The following MIPOL1 variants were observed in gnomAD, a reference collection of about 807,000 sequenced individuals.
MIPOL1 encodes the protein mirror-image polydactyly gene 1 protein.
MIPOL1 carries 57 observed loss-of-function variants against 60.9 expected under a neutral mutation model. The ratio of observed to expected loss-of-function variants is 0.94; its 90% CI spans 0.76 to 1.17. The LOEUF (loss-of-function observed/expected upper bound fraction) is 1.17. MIPOL1 is among the 50% of genes most tolerant of loss of function. The pLI is 0.00. For missense variants in MIPOL1, 551 were observed against 511.6 expected (o/e 1.08, Z -0.74); for synonymous variants, 179 against 168.8 (o/e 1.06, Z -0.47).
chr14:37,341,603 T>G, intron 9 of MIPOL1, among the ~76,000 whole-genome samples: 1 of 152,298 alleles, frequency 6.6e-6, no homozygotes, highest in Non-Finnish European at 1.5e-5. Context: ...GTTCTAATAT[T>G]ATTTTTTAAA....
chr14:37,282,234 A>T (rs1170011368), intron 6 of MIPOL1, among the ~76,000 whole-genome samples: 2 of 63,768 alleles, frequency 3.1e-5, no homozygotes, highest in Non-Finnish European at 5.7e-5. Flanking sequence ...CTAATATTGC[A>T]GTAATATTAT....
intron 11 of MIPOL1, among the ~76,000 whole-genome samples, chr14:37,464,334 T>G (rs957343073): frequency 1.3e-5 from 2 of 152,176 alleles, no homozygotes; most frequent in African/African-American, 4.8e-5. Flanking sequence ...AACCTAAGTG[T>G]TCATCCAGTG....
At chr14:37,326,151 T>C (rs528810984) in intron 9 of MIPOL1, among the ~76,000 whole-genome samples, 2 of 152,288 alleles carry the variant, frequency 1.3e-5, no homozygotes, top group South Asian at 4.1e-4. Flanking sequence ...AGAGTACATA[T>C]GTTACTTTGG....
intron 7 of MIPOL1, among the ~76,000 whole-genome samples, chr14:37,294,558 GA>G (rs1405102848): frequency 1.3e-5 from 2 of 151,758 alleles, no homozygotes; most frequent in Non-Finnish European, 2.9e-5. Context: ...TAAAAACTTT[GA>G]AAAAAAATTA....
Position 37,358,705 on chromosome 14 carries a change from T to C in MIPOL1, c.829-10812T>C, listed in dbSNP as rs144805088. Among the ~76,000 whole-genome samples, 777 of 152,314 alleles carry C rather than the reference T, an allele frequency of 5.1e-3. 6 individuals carry two copies. The highest frequency in any genetic ancestry group is 0.018 in the African/African-American group (730 of 41,576). ...GGTTGCCTTTTTCTTGTAAATTTGTTAAATTTCTTTGTAGATTCTGGATGT... is the reference window on the plus strand; with the variant it reads ...GGTTGCCTTTTTCTTGTAAATTTGTCAAATTTCTTTGTAGATTCTGGATGT... On this transcript the variant is annotated intron_variant, in intron 9 of 12. Coordinates refer to ENST00000684589, the MANE Select transcript of MIPOL1 (RefSeq NM_001388067.1).
chr14:37,293,714 G>C (rs950531591), intron 7 of MIPOL1, among the ~76,000 whole-genome samples: 8 of 152,150 alleles, frequency 5.3e-5, no homozygotes, highest in African/African-American at 1.9e-4. Context: ...CTCATTGCCA[G>C]CACAGTAGTC....
chr14:37,525,364 A>G (rs1215006459), intron 12 of MIPOL1, among the ~76,000 whole-genome samples: 3 of 152,252 alleles, frequency 2.0e-5, no homozygotes, highest in Non-Finnish European at 2.9e-5. Context: ...GGAAGGTTTT[A>G]TCATTGTGAA....
intron 3 of MIPOL1, among the ~76,000 whole-genome samples, chr14:37,252,223 A>C (rs1974233292): frequency 6.6e-6 from 1 of 151,746 alleles, no homozygotes; most frequent in Non-Finnish European, 1.5e-5. Flanking sequence ...TATTATCTAA[A>C]TTTAGATATA....
Position 37,247,141 on chromosome 14 carries a change from C to T in MIPOL1, c.-160C>T, listed in dbSNP as rs1041310294. 3 of 152,280 alleles carry T rather than the reference C, an allele frequency of 2.0e-5. No homozygotes were observed. The highest frequency in any genetic ancestry group is 7.3e-5 in the African/African-American group (3 of 41,362). The allele number at this position is 152,280 out of a possible 1,614,324, so 9.4% of individuals were successfully genotyped here. A position where few individuals can be genotyped will look rare whatever the true frequency, so the allele number is the denominator to read the frequency against. On this transcript the variant is annotated 5_prime_UTR_variant, in exon 2 of 13. Coordinates refer to ENST00000684589, the MANE Select transcript of MIPOL1 (RefSeq NM_001388067.1). The stretch of plus-strand genomic sequence containing the variant: ...AAATGAGAAACTTAGAAAAAGATTG[C>T]CAATTCCAAATCAACATATTTAGAG...
intron 10 of MIPOL1, among the ~76,000 whole-genome samples, chr14:37,386,920 A>G (rs1241418418): frequency 6.6e-6 from 1 of 151,990 alleles, no homozygotes; most frequent in Admixed American, 6.6e-5. Flanking sequence ...TGGATTTGAA[A>G]TACAAATTAT....
At position 37,456,768 on chromosome 14, in the gene MIPOL1, C is replaced by G. The variant is rs1166851880; in HGVS notation, c.1031+33819C>G. On this transcript the variant is annotated intron_variant, in intron 11 of 12. Coordinates refer to ENST00000684589, the MANE Select transcript of MIPOL1 (RefSeq NM_001388067.1). ...GAAGGTAGACAGAGATATTGAAGTACTACAAAATCTAGTGTTTACATTTCA... is the reference window on the plus strand; with the variant it reads ...GAAGGTAGACAGAGATATTGAAGTAGTACAAAATCTAGTGTTTACATTTCA... Among the ~76,000 whole-genome samples, 7 of 152,078 alleles carry G rather than the reference C, an allele frequency of 4.6e-5. No homozygotes were observed. In the East Asian group the frequency reaches 1.4e-3, roughly 29 times the overall value.
chr14:37,396,274 T>A (rs1297234710), intron 10 of MIPOL1, among the ~76,000 whole-genome samples: 2 of 152,110 alleles, frequency 1.3e-5, no homozygotes, highest in Non-Finnish European at 2.9e-5. Context: ...CTGATAATTG[T>A]TTTGTTTGAG....
At chr14:37,362,526 T>G (rs981507167) in intron 9 of MIPOL1, among the ~76,000 whole-genome samples, 1 of 152,232 alleles carries the variant, frequency 6.6e-6, no homozygotes, top group Non-Finnish European at 1.5e-5. Context: ...CCTTTCTCTC[T>G]GGCTGCACTT....
intron 1 of MIPOL1, among the ~76,000 whole-genome samples, chr14:37,232,968 G>A (rs1346174341): frequency 2.0e-5 from 3 of 152,214 alleles, no homozygotes; most frequent in Non-Finnish European, 2.9e-5. Flanking sequence ...GTCTTCTCCA[G>A]TGTAGCTGAG....
At chr14:37,358,182 T>A (rs1170521349) in intron 9 of MIPOL1, among the ~76,000 whole-genome samples, 1 of 152,228 alleles carries the variant, frequency 6.6e-6, no homozygotes, top group South Asian at 2.1e-4. Context: ...TCCTTTTTTA[T>A]GGCTGCATAG....
intron 3 of MIPOL1, among the ~76,000 whole-genome samples, chr14:37,252,102 C>G (rs1040149553): frequency 1.3e-5 from 2 of 151,344 alleles, no homozygotes; most frequent in African/African-American, 2.4e-5. Context: ...AGCTTTTGAC[C>G]AAAACCTTTC....
intron 1 of MIPOL1, among the ~76,000 whole-genome samples, chr14:37,211,597 G>C (rs141646687): frequency 2.0e-5 from 3 of 152,094 alleles, no homozygotes; most frequent in African/African-American, 7.2e-5. Flanking sequence ...ACTGAGGTCT[G>C]CAGCACTCTA....
chr14:37,545,725 G>A, intron 12 of MIPOL1: 2 of 630,248 alleles, frequency 3.2e-6, no homozygotes, highest in Non-Finnish European at 5.7e-6. Context: ...ATTATATGCA[G>A]TTGATTTGTC....
intron 1 of MIPOL1, among the ~76,000 whole-genome samples, chr14:37,234,806 C>T (rs1022803976): frequency 1.3e-5 from 2 of 151,428 alleles, no homozygotes; most frequent in Non-Finnish European, 2.9e-5. Flanking sequence ...AACGGAGTCT[C>T]ACTCTGTCAC....
Sources: allele counts gnomAD v4.1 joint callset (sites outside exome capture counted in the v4.1 genomes callset), GRCh38; gene constraint gnomAD v4.1.1; transcripts MANE v1.5; gene names NCBI Gene and HGNC (gene_info 2026-07-23, HGNC 2026-07-21).